TNR: variants seen among roughly 807,000 people sequenced by gnomAD.
The protein encoded by TNR is tenascin-R.
Under a neutral mutation model 150.4 loss-of-function variants are expected in TNR, and 45 were observed. The ratio of observed to expected loss-of-function variants is 0.30; its 90% CI spans 0.24 to 0.38. The LOEUF (loss-of-function observed/expected upper bound fraction) is 0.38, where lower values mean the gene tolerates loss of function less well. TNR is among the 10% of genes least tolerant of loss of function. The probability of loss-of-function intolerance (pLI) is 1.00; values close to 1 mark genes in which losing one functional copy is unlikely to be tolerated. For synonymous variants in TNR, 687 were observed against 678.4 expected (o/e 1.01, Z -0.20); for missense variants, 1,544 against 1,759.1 (o/e 0.88, Z 2.19).
intron 1 of TNR, among the ~76,000 whole-genome samples, chr1:175,725,215 A>G (rs1383000541): frequency 1.3e-5 from 2 of 152,196 alleles, no homozygotes; most frequent in Non-Finnish European, 2.9e-5. Flanking sequence ...TCTATACAGA[A>G]GGCAAGCTCT....
intron 4 of TNR, among the ~76,000 whole-genome samples, chr1:175,402,822 T>A (rs1413071077): frequency 6.6e-6 from 1 of 152,162 alleles, no homozygotes; most frequent in African/African-American, 2.4e-5. Context: ...GACTTCACTG[T>A]CTACCCTCCC....
intron 1 of TNR, among the ~76,000 whole-genome samples, chr1:175,629,466 G>A (rs753301765): frequency 1.5e-4 from 23 of 152,148 alleles, no homozygotes; most frequent in African/African-American, 7.2e-5. Context: ...CAGCCAGTGC[G>A]TGGCATTGCT....
At chr1:175,354,295 A>T in intron 18 of TNR, 96 bp downstream of exon 18, 1 of 1,492,596 alleles carries the variant, frequency 6.7e-7, no homozygotes, top group Non-Finnish European at 9.0e-7. Context: ...AGCTTTTTTG[A>T]TAAACTGCTC....
chr1:175,501,888 C>T (rs1018552672), intron 2 of TNR, among the ~76,000 whole-genome samples: 1 of 152,094 alleles, frequency 6.6e-6, no homozygotes, highest in African/African-American at 2.4e-5. Context: ...GAGCACAGCC[C>T]CTGTCTTCAA....
intron 2 of TNR, among the ~76,000 whole-genome samples, chr1:175,489,820 C>G (rs1283311827): frequency 6.6e-6 from 1 of 152,230 alleles, no homozygotes; most frequent in Non-Finnish European, 1.5e-5. Flanking sequence ...TACACACATA[C>G]TTTTTTCCAA....
intron 1 of TNR, among the ~76,000 whole-genome samples, chr1:175,578,010 G>T (rs1385600453): frequency 6.6e-6 from 1 of 152,198 alleles, no homozygotes; most frequent in African/African-American, 2.4e-5. Context: ...GCTTTGAAAA[G>T]TTGTTGAAAG....
intron 1 of TNR, among the ~76,000 whole-genome samples, chr1:175,572,830 A>ATAAAC (rs1418287625): frequency 6.6e-6 from 1 of 151,828 alleles, no homozygotes; most frequent in African/African-American, 2.4e-5. Flanking sequence ...ATAAAATAAA[A>ATAAAC]TAAATTCATC....
At chr1:175,449,269 C>T (rs1045146464) in intron 2 of TNR, among the ~76,000 whole-genome samples, 2 of 152,198 alleles carry the variant, frequency 1.3e-5, no homozygotes, top group African/African-American at 4.8e-5. Flanking sequence ...TTCTCACACA[C>T]ACAAACACAT....
chr1:175,493,962 C>A (rs1658365410), intron 2 of TNR, among the ~76,000 whole-genome samples: 2 of 152,216 alleles, frequency 1.3e-5, no homozygotes, highest in Non-Finnish European at 2.9e-5. Flanking sequence ...GTCCCTACAA[C>A]CTCTCTTCTT....
In TNR at chr1:175,337,592, T is replaced by C; in HGVS notation, c.3470A>G (p.Asn1157Ser). ...TTGTAATTTCTGGCTCAGCTCCCCA[T>C]TGAGGAAGATGGGGTAAACCCCACT... ...TLSGVYPIFL[N>S]GELSQKLQVY... Residue 1157 changes from asparagine (N) to serine (S), a missense_variant, in exon 19 of 23, where the codon AAT becomes AGT. Physicochemically the swap from Asn to Ser is conservative, Grantham distance 46 (BLOSUM62 1). Coordinates refer to ENST00000367674, the MANE Select transcript of TNR (RefSeq NM_003285.3). 1.2e-6 allele frequency: 2 copies of C among 1,614,122 alleles called. No individual in the cohort carries two copies. The highest frequency in any genetic ancestry group is 1.7e-6 in the Non-Finnish European group (2 of 1,180,022).
chr1:175,441,094 G>A (rs1371757154), intron 2 of TNR, among the ~76,000 whole-genome samples: 2 of 152,176 alleles, frequency 1.3e-5, no homozygotes, highest in Non-Finnish European at 2.9e-5. Flanking sequence ...GAAGATGAGA[G>A]CATATGTCTT....
At chr1:175,397,475 C>T (rs1322271745) in intron 4 of TNR, among the ~76,000 whole-genome samples, 1 of 152,146 alleles carries the variant, frequency 6.6e-6, no homozygotes, top group Non-Finnish European at 1.5e-5. Context: ...AATAAGTTAT[C>T]GTCATCAGAT....
chr1:175,573,361 C>T (rs1414908652), intron 1 of TNR, among the ~76,000 whole-genome samples: 1 of 152,210 alleles, frequency 6.6e-6, no homozygotes, highest in Non-Finnish European at 1.5e-5. Context: ...AGGTATGGAG[C>T]TAGCACTGCA....
intron 1 of TNR, among the ~76,000 whole-genome samples, chr1:175,581,060 A>G (rs980485389): frequency 9.9e-5 from 15 of 152,222 alleles, no homozygotes; most frequent in African/African-American, 3.6e-4. Context: ...CAGGACTGAA[A>G]GCTCAGTGGA....
chr1:175,571,974 C>A (rs1263203103), intron 1 of TNR, among the ~76,000 whole-genome samples: 1 of 152,084 alleles, frequency 6.6e-6, no homozygotes, highest in Non-Finnish European at 1.5e-5. Context: ...ACCAATAAAA[C>A]AAATAAGGAA....
intron 1 of TNR, among the ~76,000 whole-genome samples, chr1:175,723,863 T>C (rs577038191): frequency 1.2e-4 from 18 of 152,304 alleles, no homozygotes; most frequent in Admixed American, 7.8e-4. Flanking sequence ...AGAGTGAGAT[T>C]CTGTCTCAAT....
intron 1 of TNR, among the ~76,000 whole-genome samples, chr1:175,728,966 T>A (rs1485327526): frequency 6.6e-6 from 1 of 152,116 alleles, no homozygotes; most frequent in Non-Finnish European, 1.5e-5. Flanking sequence ...GGGTCTGAAG[T>A]CAGAACTGCA....
At chr1:175,340,817 T>C (rs1469200824) in intron 18 of TNR, among the ~76,000 whole-genome samples, 4 of 152,196 alleles carry the variant, frequency 2.6e-5, no homozygotes, top group Non-Finnish European at 2.9e-5. Context: ...CAGATCCTTG[T>C]GGCTGTGTGG....
At chr1:175,416,386 T>G (rs1654447978) in intron 2 of TNR, among the ~76,000 whole-genome samples, 1 of 152,180 alleles carries the variant, frequency 6.6e-6, no homozygotes, top group South Asian at 2.1e-4. Context: ...GCCTCTATCC[T>G]TGGGAAGTAG....
Sources: allele counts gnomAD v4.1 joint callset (sites outside exome capture counted in the v4.1 genomes callset), GRCh38; gene constraint gnomAD v4.1.1; transcripts MANE v1.5; gene names NCBI Gene and HGNC (gene_info 2026-07-23, HGNC 2026-07-21).